CTNNA3: variants seen among roughly 807,000 people sequenced by gnomAD.
The protein encoded by CTNNA3 is catenin alpha-3.
Under a neutral mutation model 95.7 loss-of-function variants are expected in CTNNA3, and 76 were observed. The ratio of observed to expected loss-of-function variants is 0.79; its 90% CI spans 0.66 to 0.96. CTNNA3 has a LOEUF of 0.96. Among genes scored for constraint, CTNNA3 ranks in the 40% least tolerant of loss-of-function variants. CTNNA3 has a pLI of 0.00. For missense variants in CTNNA3, 1,191 were observed against 1,089.8 expected (o/e 1.09, Z -1.31); for synonymous variants, 431 against 374.4 (o/e 1.15, Z -1.74).
chr10:67,563,417 G>A (rs1027002341), intron 3 of CTNNA3, among the ~76,000 whole-genome samples: 2 of 152,170 alleles, frequency 1.3e-5, no homozygotes, highest in African/African-American at 4.8e-5. Flanking sequence ...AATAAATGGT[G>A]CTGGGAAAAC....
chr10:67,605,288 A>G lies in CTNNA3; in HGVS notation c.292+1569T>C, dbSNP rs540105448. Among the ~76,000 whole-genome samples, 5 of 152,334 alleles carry G rather than the reference A, an allele frequency of 3.3e-5. No individual in the cohort carries two copies. The East Asian group carries it at 9.6e-4, about 29-fold the overall frequency. On this transcript the variant is annotated intron_variant, in intron 3 of 17. Coordinates refer to ENST00000433211, the MANE Select transcript of CTNNA3 (RefSeq NM_013266.4). ...GACATAGAAAGAAAACTATTGCAGG[A>G]TCTCACTTATATGTAGAATCTTTGT...
chr10:66,184,675 A>G (rs574262107), intron 13 of CTNNA3, among the ~76,000 whole-genome samples: 1 of 152,274 alleles, frequency 6.6e-6, no homozygotes, highest in South Asian at 2.1e-4. Flanking sequence ...ACAATGCTTA[A>G]TCTTTTAATT....
chr10:66,301,075 A>G (rs1321174444), intron 12 of CTNNA3, among the ~76,000 whole-genome samples: 1 of 152,136 alleles, frequency 6.6e-6, no homozygotes, highest in Admixed American at 6.5e-5. Context: ...TGATAGCCTA[A>G]GTAAAATAAA....
intron 9 of CTNNA3, among the ~76,000 whole-genome samples, chr10:66,717,142 A>G (rs148557484): frequency 6.2e-4 from 95 of 152,186 alleles, no homozygotes; most frequent in African/African-American, 2.2e-3. Context: ...AACCTGCCCT[A>G]CAAATTTCAG....
chr10:66,364,634 A>C (rs954636315), intron 12 of CTNNA3, among the ~76,000 whole-genome samples: 5 of 152,186 alleles, frequency 3.3e-5, no homozygotes, highest in Admixed American at 2.0e-4. Context: ...ATGAGTCTTA[A>C]ATTTATTTCT....
chr10:66,010,213 C>G lies in CTNNA3; in HGVS notation c.2160-21416G>C, dbSNP rs777825433. 3.3e-5 allele frequency among the ~76,000 whole-genome samples: 5 copies of G among 152,246 alleles called. No individual in the cohort carries two copies. In the South Asian group the frequency reaches 1.0e-3, roughly 32 times the overall value. On this transcript the variant is annotated intron_variant, in intron 15 of 17. Coordinates refer to ENST00000433211, the MANE Select transcript of CTNNA3 (RefSeq NM_013266.4). Reference sequence around the variant, plus strand: ...TTACTATCATCTACGATGTAGCCTCCTTTCCCTTGGCTAAATCAGTTCCAA... The same window carrying G: ...TTACTATCATCTACGATGTAGCCTCGTTTCCCTTGGCTAAATCAGTTCCAA...
chr10:67,030,690 G>C (rs1853663519), intron 7 of CTNNA3, among the ~76,000 whole-genome samples: 1 of 152,092 alleles, frequency 6.6e-6, no homozygotes. Flanking sequence ...TGAGGTAGAA[G>C]AGATAATTTA....
At chr10:67,558,804 G>A (rs886986157) in intron 3 of CTNNA3, among the ~76,000 whole-genome samples, 2 of 152,196 alleles carry the variant, frequency 1.3e-5, no homozygotes, top group East Asian at 1.9e-4. Flanking sequence ...CTTTTCCAAC[G>A]GGCTTAAAAA....
chr10:67,317,511 C>T (rs906740868), intron 5 of CTNNA3, among the ~76,000 whole-genome samples: 35 of 151,956 alleles, frequency 2.3e-4, no homozygotes, highest in African/African-American at 7.7e-4. Flanking sequence ...CTGCAACCTC[C>T]GCCTTCCGGG....
At chr10:67,726,198 T>A (rs533242139) in intron 1 of CTNNA3, among the ~76,000 whole-genome samples, 1 of 106,484 alleles carries the variant, frequency 9.4e-6, no homozygotes, top group Admixed American at 1.4e-4. Flanking sequence ...TAATATATAA[T>A]ATATCATATA....
chr10:66,615,029 C>T (rs35018156), intron 10 of CTNNA3, among the ~76,000 whole-genome samples: 255 of 152,018 alleles, frequency 1.7e-3, no homozygotes, highest in Admixed American at 7.2e-3. Flanking sequence ...AAGGTACACC[C>T]TATTTTGCTT....
At chr10:67,375,578 G>A (rs7902692) in intron 5 of CTNNA3, among the ~76,000 whole-genome samples, 7,860 of 151,972 alleles carry the variant, frequency 0.052, 241 homozygotes, top group South Asian at 0.096. Flanking sequence ...ACTCCACCCT[G>A]GGCAATAGAG....
At chr10:66,962,366 C>A (rs1435897439) in intron 7 of CTNNA3, among the ~76,000 whole-genome samples, 1 of 151,858 alleles carries the variant, frequency 6.6e-6, no homozygotes, top group Non-Finnish European at 1.5e-5. Flanking sequence ...CAAATGTCTG[C>A]CTCCTCAACT....
chr10:66,360,806 TTCCTTC>T lies in CTNNA3; in HGVS notation c.1732+18340_1732+18345del, dbSNP rs1564897178. On this transcript the variant is annotated intron_variant, in intron 12 of 17. Transcript: ENST00000433211. The stretch of plus-strand genomic sequence containing the variant: ...CTTTCTTCCTTCCTTCCTTCCTTCC[TTCCTTC>T]CTTCCTTTCTTTCTTTCTTTCTTTC... Among the ~76,000 whole-genome samples the T allele has an allele frequency of 9.6e-3, 795 of 82,602 alleles. 83 individuals carry two copies. Among genetic ancestry groups the T allele is most frequent in the East Asian group, 0.029 (79 of 2,704 alleles). The allele number at this position is 82,602 out of a possible 152,430, so 54.2% of individuals were successfully genotyped here. A position where few individuals can be genotyped will look rare whatever the true frequency, so the allele number is the denominator to read the frequency against.
chr10:67,552,174 C>G (rs1841056065), intron 3 of CTNNA3, among the ~76,000 whole-genome samples: 1 of 152,114 alleles, frequency 6.6e-6, no homozygotes, highest in African/African-American at 2.4e-5. Flanking sequence ...AACGCACATT[C>G]AAGAATACAA....
chr10:66,636,299 G>C (rs1845335094), intron 9 of CTNNA3, among the ~76,000 whole-genome samples: 1 of 151,916 alleles, frequency 6.6e-6, no homozygotes. Context: ...GCTATTACAG[G>C]TTTAATCTTA....
intron 3 of CTNNA3, among the ~76,000 whole-genome samples, chr10:67,595,069 T>C (rs184156415): frequency 6.6e-6 from 1 of 152,332 alleles, no homozygotes; most frequent in Admixed American, 6.5e-5. Flanking sequence ...ATTTGTTCCT[T>C]TTATGTCTGA....
At chr10:66,228,857 A>T (rs2089451063) in intron 13 of CTNNA3, among the ~76,000 whole-genome samples, 1 of 152,132 alleles carries the variant, frequency 6.6e-6, no homozygotes, top group Admixed American at 6.5e-5. Flanking sequence ...TAATTGTGAT[A>T]TCTTCTTGCT....
At chr10:67,063,148 A>G (rs114392403) in intron 7 of CTNNA3, among the ~76,000 whole-genome samples, 78 of 152,286 alleles carry the variant, frequency 5.1e-4, no homozygotes, top group African/African-American at 1.8e-3. Flanking sequence ...AGGAAAACAT[A>G]TTTTAACACA....
Sources: allele counts gnomAD v4.1 joint callset (sites outside exome capture counted in the v4.1 genomes callset), GRCh38; gene constraint gnomAD v4.1.1; transcripts MANE v1.5; gene names NCBI Gene and HGNC (gene_info 2026-07-23, HGNC 2026-07-21).